GPSM2: variants seen among roughly 807,000 people sequenced by gnomAD.
GPSM2 encodes G protein-signaling modulator 2.
GPSM2 carries 58 observed loss-of-function variants against 78.4 expected under a neutral mutation model. That is an observed-to-expected ratio of 0.74 (90% CI 0.60 to 0.92). The LOEUF (loss-of-function observed/expected upper bound fraction) is 0.92. Among genes scored for constraint, GPSM2 ranks in the 40% least tolerant of loss-of-function variants. The probability of loss-of-function intolerance (pLI) is 0.00; values close to 1 mark genes in which losing one functional copy is unlikely to be tolerated. For missense variants in GPSM2, 700 were observed against 815.5 expected, an observed-to-expected ratio of 0.86 and a Z score of 1.73; for synonymous variants, 224 against 280.2, an observed-to-expected ratio of 0.80 and a Z score of 2.00.
intron 10 of GPSM2, among the ~76,000 whole-genome samples, chr1:108,905,504 A>G (rs902736144): frequency 6.6e-6 from 1 of 152,172 alleles, no homozygotes; most frequent in Non-Finnish European, 1.5e-5. Context: ...CCTATAGCCA[A>G]TCATTCCCTT....
chr1:108,922,462 T>A lies in GPSM2; in HGVS notation c.1486T>A (p.Leu496Ile), dbSNP rs61758992. The A allele has an allele frequency of 1.2e-4, 190 of 1,612,620 alleles. No homozygotes were observed. In the African/African-American group the frequency reaches 2.2e-3, roughly 19 times the overall value. ...TGGAGATGAAGGGTTCTTTGACTTA[T>A]TAAGCCGATTTCAAAGCAATAGGAT... ...TIGDEGFFDL[L>I]SRFQSNRMDD... The change falls in exon 13 of 15, where the codon TTA becomes ATA. Residue 496 changes from leucine to isoleucine, a missense_variant. By Grantham distance (5) the Leu-to-Ile change is conservative. Coordinates refer to ENST00000264126, the MANE Select transcript of GPSM2 (RefSeq NM_013296.5).
At chr1:108,884,486 C>T (rs1375469137) in intron 1 of GPSM2, among the ~76,000 whole-genome samples, 2 of 152,140 alleles carry the variant, frequency 1.3e-5, no homozygotes, top group South Asian at 2.1e-4. Flanking sequence ...TGAGAAAAAT[C>T]TCAGAAACAA....
intron 2 of GPSM2, among the ~76,000 whole-genome samples, chr1:108,886,519 T>G (rs1647562300): frequency 6.6e-6 from 1 of 152,230 alleles, no homozygotes; most frequent in African/African-American, 2.4e-5. Context: ...CCTCTAGGAC[T>G]TACAGTGTTC....
At chr1:108,908,654 A>T (rs1649449008) in intron 10 of GPSM2, among the ~76,000 whole-genome samples, 1 of 147,862 alleles carries the variant, frequency 6.8e-6, no homozygotes, top group South Asian at 2.1e-4. Context: ...CAGCCGACAG[A>T]GAGAGACTCC....
At position 108,923,995 on chromosome 1, in the gene GPSM2, C is replaced by G. The variant is rs1337008831; in HGVS notation, c.1601-5C>G. On this transcript the variant is annotated splice_region_variant and splice_polypyrimidine_tract_variant and intron_variant, in intron 13 of 14. Coordinates refer to ENST00000264126, the MANE Select transcript of GPSM2 (RefSeq NM_013296.5). ...TAATCTTTGGCTTTCTTCTTCTGTTCTTAGCATCATCTGTTCCTGTGGTAT... is the reference window on the plus strand; with the variant it reads ...TAATCTTTGGCTTTCTTCTTCTGTTGTTAGCATCATCTGTTCCTGTGGTAT... 7.0e-6 allele frequency: 11 copies of G among 1,578,822 alleles called. No homozygotes were observed. Among genetic ancestry groups the G allele is most frequent in the African/African-American group, 1.3e-5 (1 of 74,088 alleles).
chr1:108,933,566 G>C lies in GPSM2; in HGVS notation c.*3626G>C, dbSNP rs1250575950. ...ACAAATATCTGCATGAAAATTTAAA[G>C]ACTTTATTCCTGACTGGTATCACTT... On this transcript the variant is annotated 3_prime_UTR_variant, in exon 15 of 15. Transcript: ENST00000264126. The C allele has an allele frequency of 6.6e-6, 1 of 152,228 alleles. No individual in the cohort carries two copies. Among genetic ancestry groups the C allele is most frequent in the Non-Finnish European group, 1.5e-5 (1 of 68,040 alleles). The allele number at this position is 152,228 out of a possible 1,614,324, so 9.4% of individuals were successfully genotyped here.
At chr1:108,914,149 G>A (rs1352022330) in intron 10 of GPSM2, among the ~76,000 whole-genome samples, 189 bp from the exon 11 acceptor site, 3 of 152,154 alleles carry the variant, frequency 2.0e-5, no homozygotes, top group Non-Finnish European at 2.9e-5. Flanking sequence ...TTTTAGAGGG[G>A]AATGTATATT....
intron 10 of GPSM2, among the ~76,000 whole-genome samples, chr1:108,911,906 A>G (rs949044129): frequency 6.6e-6 from 1 of 151,204 alleles, no homozygotes; most frequent in Admixed American, 6.6e-5. Context: ...CCCAGGCTCA[A>G]GCAATCTGCC....
chr1:108,927,670 A>AAAACT (rs1468522979), intron 14 of GPSM2, among the ~76,000 whole-genome samples: 52 of 152,316 alleles, frequency 3.4e-4, no homozygotes, highest in African/African-American at 1.2e-3. Context: ...CATCAGAACT[A>AAAACT]AAACTATAAA....
intron 1 of GPSM2, among the ~76,000 whole-genome samples, chr1:108,879,840 A>T (rs913462039): frequency 1.3e-5 from 2 of 152,240 alleles, no homozygotes; most frequent in East Asian, 3.9e-4. Context: ...GCTGAATATG[A>T]ATATATGCTT....
intron 14 of GPSM2, 46 bp downstream of exon 14, chr1:108,924,260 C>T (rs771921430): frequency 2.7e-6 from 3 of 1,105,524 alleles, no homozygotes; most frequent in South Asian, 1.3e-5. Flanking sequence ...TCAGATACCA[C>T]TGAAAACATT....
chr1:108,915,933 G>T (rs959822709), intron 11 of GPSM2, among the ~76,000 whole-genome samples: 1 of 151,944 alleles, frequency 6.6e-6, no homozygotes, highest in Non-Finnish European at 1.5e-5. Context: ...TTTCTAATAT[G>T]TGGTGATCTA....
intron 2 of GPSM2, among the ~76,000 whole-genome samples, chr1:108,886,596 C>T (rs1029597049): frequency 1.3e-5 from 2 of 152,186 alleles, no homozygotes; most frequent in African/African-American, 4.8e-5. Flanking sequence ...GACCAGTGTT[C>T]CCACCTTTGT....
chr1:108,934,522 AAAATGTGAATGTTGAAGTTG>A (rs1028494933), exon 15 of GPSM2: 14 of 879,016 alleles, frequency 1.6e-5, no homozygotes, highest in Admixed American at 8.6e-5. Flanking sequence ...ATTGTCAGTA[AAAATGTGAATGTTGAAGTTG>A]AAATGTGAAT....
At chr1:108,913,391 T>C (rs772968367) in intron 10 of GPSM2, among the ~76,000 whole-genome samples, 7 of 152,208 alleles carry the variant, frequency 4.6e-5, no homozygotes, top group Non-Finnish European at 7.3e-5. Flanking sequence ...GTGTGGATAG[T>C]ATAAACCAGT....
chr1:108,914,443 A>G, intron 11 of GPSM2, 35 bp downstream of exon 11: 2 of 1,336,744 alleles, frequency 1.5e-6, no homozygotes, highest in East Asian at 2.3e-5. Flanking sequence ...AATTTCATGA[A>G]CTATTATAAA....
intron 14 of GPSM2, among the ~76,000 whole-genome samples, chr1:108,928,267 C>G (rs565157607): frequency 2.8e-4 from 43 of 152,304 alleles, no homozygotes; most frequent in African/African-American, 1.0e-3. Flanking sequence ...ATAGAGATAA[C>G]AAGAGGCTAG....
In GPSM2 at chr1:108,904,119, T is replaced by C; in HGVS notation, c.1063-6T>C. On this transcript the variant is annotated splice_region_variant and splice_polypyrimidine_tract_variant and intron_variant, in intron 9 of 14. Transcript: ENST00000264126. ...CTACTCTAAAATATAAATGTTTGTG[T>C]TGTAGGTTGGGGATAAAAGTGGTGA... 1 of 1,581,744 alleles carries C rather than the reference T, an allele frequency of 6.3e-7. No individual in the cohort carries two copies. The highest frequency in any genetic ancestry group is 8.7e-7 in the Non-Finnish European group (1 of 1,151,720).
intron 2 of GPSM2, among the ~76,000 whole-genome samples, 163 bp from the exon 3 acceptor site, chr1:108,896,701 C>T (rs1310451177): frequency 6.6e-6 from 1 of 152,222 alleles, no homozygotes; most frequent in East Asian, 1.9e-4. Flanking sequence ...CCTCTTGCTA[C>T]AAATAACTGC....
Sources: allele counts gnomAD v4.1 joint callset (sites outside exome capture counted in the v4.1 genomes callset), GRCh38; gene constraint gnomAD v4.1.1; transcripts MANE v1.5; gene names NCBI Gene and HGNC (gene_info 2026-07-23, HGNC 2026-07-21).